ATM: variants seen among roughly 807,000 people sequenced by gnomAD.
ATM encodes the protein serine-protein kinase ATM.
Under a neutral mutation model 387.0 loss-of-function variants are expected in ATM, and 308 were observed. The observed-to-expected ratio is 0.80, with a 90% CI of 0.73 to 0.87. The LOEUF (loss-of-function observed/expected upper bound fraction) is 0.87. Ranked by LOEUF, ATM falls within the 40% of genes least tolerant of loss-of-function variation. The probability of loss-of-function intolerance (pLI) is 0.00; values close to 1 mark genes in which losing one functional copy is unlikely to be tolerated. For missense variants in ATM, 3,312 were observed against 3,560.9 expected (o/e 0.93, Z 1.78); for synonymous variants, 1,156 against 1,187.3 (o/e 0.97, Z 0.54).
At chr11:108,272,883 G>T (rs1226027998) in intron 22 of ATM, 31 bp downstream of exon 22, 1 of 1,613,218 alleles carries the variant, frequency 6.2e-7, no homozygotes, top group Non-Finnish European at 8.5e-7. Flanking sequence ...GAAGTATTTG[G>T]AATGCTGCAG....
rs587781545 is a variant in ATM at position 108,229,275 on chromosome 11, C to T, written c.283C>T (p.Gln95Ter). Residue 95 changes from glutamine to a stop codon, truncating the protein, a stop_gained, in exon 4 of 63, where the codon CAG becomes TAG. Coordinates refer to ENST00000675843, the MANE Select transcript of ATM (RefSeq NM_000051.4). LOFTEE classifies it high-confidence loss of function. ...STQASRQKKM[Q>*]EISSLVKYFI... ...ACAAGCCTCCAGGCAGAAAAAGATG[C>T]AGGAAATCAGTAGTTTGGTCAAATA... 1 of 1,613,444 alleles carries T rather than the reference C, an allele frequency of 6.2e-7. No individual in the cohort carries two copies.
intron 61 of ATM, among the ~76,000 whole-genome samples, chr11:108,356,615 T>TTACTC (rs1484529024): frequency 6.6e-6 from 1 of 152,042 alleles, no homozygotes; most frequent in African/African-American, 2.4e-5. Context: ...CTTTAGTATT[T>TTACTC]TACTCTACCT....
intron 20 of ATM, 113 bp from the exon 21 acceptor site, chr11:108,272,419 A>C: frequency 1.1e-6 from 1 of 897,004 alleles, no homozygotes; most frequent in East Asian, 2.6e-5. Flanking sequence ...AATGACAAAT[A>C]AGTTTAGCAC....
intron 32 of ATM, 86 bp from the exon 33 acceptor site, chr11:108,297,201 G>A: frequency 8.8e-7 from 1 of 1,142,730 alleles, no homozygotes; most frequent in South Asian, 1.4e-5. Flanking sequence ...AAGTTTTCTA[G>A]TCAGATAATT....
At chr11:108,289,866 T>C in intron 29 of ATM, 65 bp downstream of exon 29, 1 of 1,450,406 alleles carries the variant, frequency 6.9e-7, no homozygotes, top group Middle Eastern at 2.4e-4. Flanking sequence ...GTTTTTTTGC[T>C]TTGTTTTGTT....
At chr11:108,330,710 G>T (rs1016905029) in intron 50 of ATM, among the ~76,000 whole-genome samples, 2 of 152,206 alleles carry the variant, frequency 1.3e-5, no homozygotes, top group African/African-American at 4.8e-5. Context: ...TGTCTTTGCA[G>T]TTACCATAGG....
intron 16 of ATM, among the ~76,000 whole-genome samples, chr11:108,266,367 C>T (rs1388605619): frequency 6.6e-6 from 1 of 151,742 alleles, no homozygotes; most frequent in Non-Finnish European, 1.5e-5. Context: ...TCATCATTCT[C>T]AGTAAACTGT....
At chr11:108,332,511 T>C (rs1412741422) in intron 52 of ATM, among the ~76,000 whole-genome samples, 1 of 152,152 alleles carries the variant, frequency 6.6e-6, no homozygotes, top group Admixed American at 6.5e-5. Flanking sequence ...ATACCAGTAG[T>C]AGTTTACTTT....
chr11:108,223,115 G>C lies in ATM; in HGVS notation c.-102G>C, dbSNP rs925167272. On this transcript the variant is annotated 5_prime_UTR_variant, in exon 1 of 63. Coordinates refer to ENST00000675843, the MANE Select transcript of ATM (RefSeq NM_000051.4). ...AAAAGAAGCCGTGGCCGCGGGAGGA[G>C]GCGAGAGGAGTCGGGATCTGCGCTG... The C allele has an allele frequency of 1.1e-5, 2 of 186,392 alleles. No individual in the cohort carries two copies. Among genetic ancestry groups the C allele is most frequent in the African/African-American group, 4.8e-5 (2 of 42,032 alleles). 11.5% of individuals were successfully genotyped at this position (186,392 alleles called of 1,614,324 possible). A position where few individuals can be genotyped will look rare whatever the true frequency, so the allele number is the denominator to read the frequency against.
rs995271490 is a variant in ATM, at chr11:108,271,063, G to A, written c.2839-1G>A. On this transcript the variant is annotated splice_acceptor_variant, in intron 18 of 62. Coordinates refer to ENST00000675843, the MANE Select transcript of ATM (RefSeq NM_000051.4). LOFTEE classifies it high-confidence loss of function. ...GATTTTTTTCCCTCCTACCATCTTA[G>A]TATCTAATGCTTTTAAAGGAGCTTC... 6.2e-7 allele frequency: 1 copy of A among 1,612,848 alleles called. No homozygotes were observed. The highest frequency in any genetic ancestry group is 8.5e-7 in the Non-Finnish European group (1 of 1,178,992).
chr11:108,236,048 T>G, intron 5 of ATM: 1 of 577,676 alleles, frequency 1.7e-6, no homozygotes, highest in East Asian at 3.1e-5. Context: ...GTGCCTGATA[T>G]CAGAGCCGGA....
chr11:108,302,184 T>C (rs1403748268), intron 35 of ATM, among the ~76,000 whole-genome samples: 2 of 152,172 alleles, frequency 1.3e-5, no homozygotes, highest in African/African-American at 2.4e-5. Flanking sequence ...TGGTGAAATA[T>C]AGGAAGACCC....
At position 108,257,493 on chromosome 11, in the gene ATM, T is replaced by C. The variant is rs1060501646; in HGVS notation, c.2263T>C (p.Cys755Arg). The C allele has an allele frequency of 4.3e-6, 7 of 1,613,218 alleles. No individual in the cohort carries two copies. The highest frequency in any genetic ancestry group is 5.9e-6 in the Non-Finnish European group (7 of 1,179,614). Residue 755 changes from cysteine to arginine, a missense_variant, in exon 15 of 63, where the codon TGT (cysteine) becomes CGT (arginine). Transcript: ENST00000675843. ...CTATTCACAATAGTCTCTAATGCAA[T>C]GTGCAGGAGAAAGTATCACTCTGTT... ...LFQKAKSLMQ[C>R]AGESITLFKN...
chr11:108,354,727 C>A, intron 60 of ATM, 84 bp from the exon 61 acceptor site: 1 of 1,187,392 alleles, frequency 8.4e-7, no homozygotes, highest in African/African-American at 1.5e-5. Flanking sequence ...GCTCAGCATA[C>A]TACACATGAG....
rs664982 is a variant in ATM, at chr11:108,354,756, C to T, written c.8787-55C>T. The T allele has an allele frequency of 0.56, 797,745 of 1,417,564 alleles. 227,018 individuals carry two copies. Among genetic ancestry groups the T allele is most frequent in the Middle Eastern group, 0.72 (4,115 of 5,682 alleles). The allele number at this position is 1,417,564 out of a possible 1,614,324, so 87.8% of individuals were successfully genotyped here. A position where few individuals can be genotyped will look rare whatever the true frequency, so the allele number is the denominator to read the frequency against. The stretch of plus-strand genomic sequence containing the variant: ...ACATGAGAGTATACAGATAAAGATA[C>T]GTTGACAACATTGGTGTGTAACAAA... On this transcript the variant is annotated intron_variant, in intron 60 of 62. Transcript: ENST00000675843.
At chr11:108,304,575 A>G in intron 36 of ATM, 100 bp from the exon 37 acceptor site, 1 of 1,186,370 alleles carries the variant, frequency 8.4e-7, no homozygotes, top group South Asian at 1.4e-5. Context: ...CATCTTTTAG[A>G]AATTTAATAT....
rs2136450957 is a variant in ATM, at chr11:108,330,210, C to T, written c.7308-4C>T. The T allele has an allele frequency of 6.2e-7, 1 of 1,612,922 alleles. No homozygotes were observed. Among genetic ancestry groups the T allele is most frequent in the Non-Finnish European group, 8.5e-7 (1 of 1,179,114 alleles). ...TGTGTTTTACCTTAATTATTCTATG[C>T]AAGATACACAGTAAAGGTTCAGCGA... On this transcript the variant is annotated splice_polypyrimidine_tract_variant and splice_region_variant and intron_variant, in intron 49 of 62. Coordinates refer to ENST00000675843, the MANE Select transcript of ATM (RefSeq NM_000051.4).
At chr11:108,275,774 TTCTC>T (rs1336930347) in intron 22 of ATM, among the ~76,000 whole-genome samples, 1 of 152,238 alleles carries the variant, frequency 6.6e-6, no homozygotes, top group African/African-American at 2.4e-5. Flanking sequence ...AACCCGACCT[TTCTC>T]TCTGGCTGCC....
rs890075956 is a variant in ATM at position 108,227,606 on chromosome 11, T to C, written c.-19T>C. On this transcript the variant is annotated 5_prime_UTR_variant, in exon 2 of 63. Transcript: ENST00000675843. ...TATTTTTTTTACAGACAGTGATGTG[T>C]GTTCTGAAATTGTGAACCATGAGTC... 1.9e-6 allele frequency: 3 copies of C among 1,609,856 alleles called. No homozygotes were observed. Among genetic ancestry groups the C allele is most frequent in the Non-Finnish European group, 1.7e-6 (2 of 1,176,380 alleles).
Sources: allele counts gnomAD v4.1 joint callset (sites outside exome capture counted in the v4.1 genomes callset), GRCh38; gene constraint gnomAD v4.1.1; transcripts MANE v1.5; gene names NCBI Gene and HGNC (gene_info 2026-07-23, HGNC 2026-07-21).